Variants in PDE4D observed in about 807,000 individuals in gnomAD.
The protein encoded by PDE4D is phosphodiesterase 4D.
In PDE4D, 24 loss-of-function variants were observed where a neutral mutation model predicts 87.4. The ratio of observed to expected loss-of-function variants is 0.27; its 90% CI spans 0.20 to 0.39. PDE4D has a LOEUF of 0.39. PDE4D is among the 10% of genes least tolerant of loss of function. The pLI, the probability that PDE4D is intolerant of heterozygous loss-of-function variation, is 1.00. For missense variants in PDE4D, 714 were observed against 1,041.0 expected, an observed-to-expected ratio of 0.69 and a Z score of 4.32; for synonymous variants, 384 against 383.2, an observed-to-expected ratio of 1.00 and a Z score of -0.02.
chr5:60,375,589 G>T (rs2149993934), intron 1 of PDE4D, among the ~76,000 whole-genome samples: 1 of 152,230 alleles, frequency 6.6e-6, no homozygotes, highest in Admixed American at 6.5e-5. Flanking sequence ...TGAAAAAGAT[G>T]CCCCTTTTAC....
At chr5:60,103,375 T>C (rs910324400) in intron 2 of PDE4D, among the ~76,000 whole-genome samples, 1 of 151,782 alleles carries the variant, frequency 6.6e-6, no homozygotes, top group African/African-American at 2.4e-5. Flanking sequence ...AATAGAAGAA[T>C]AAAAAGGGGA....
chr5:60,185,994 G>A (rs1583006966), intron 1 of PDE4D, among the ~76,000 whole-genome samples: 1 of 150,084 alleles, frequency 6.7e-6, no homozygotes, highest in East Asian at 1.9e-4. Flanking sequence ...ATAAAATGAA[G>A]ATGCAAACTG....
intron 1 of PDE4D, among the ~76,000 whole-genome samples, chr5:60,257,457 T>C (rs1392587076): frequency 6.6e-6 from 1 of 151,976 alleles, no homozygotes; most frequent in Admixed American, 6.6e-5. Context: ...AAAAAAAGTA[T>C]TAAAAATAAA....
Position 59,827,008 on chromosome 5 carries a change from T to C in PDE4D, c.455+66160A>G, listed in dbSNP as rs1258926518. On this transcript the variant is annotated intron_variant, in intron 1 of 14. Coordinates refer to ENST00000340635, the MANE Select transcript of PDE4D (RefSeq NM_001104631.2). ...AGGAAATACACAAAAACATCTAGAC[T>C]GTTACTCAAGCCAAAACTTTGGGGA... 2.0e-5 allele frequency among the ~76,000 whole-genome samples: 3 copies of C among 152,134 alleles called. No individual in the cohort carries two copies. In the East Asian group the frequency reaches 5.8e-4, roughly 30 times the overall value.
chr5:60,159,323 G>GT (rs1388150291), intron 2 of PDE4D, among the ~76,000 whole-genome samples: 1 of 150,928 alleles, frequency 6.6e-6, no homozygotes, highest in Non-Finnish European at 1.5e-5. Context: ...TTTTTTTTTT[G>GT]TAAGTAGGAG....
intron 1 of PDE4D, among the ~76,000 whole-genome samples, chr5:60,272,210 C>A (rs1167827221): frequency 6.6e-6 from 1 of 152,200 alleles, no homozygotes; most frequent in Non-Finnish European, 1.5e-5. Context: ...GAGGATGACC[C>A]CATACAACAC....
intron 1 of PDE4D, among the ~76,000 whole-genome samples, chr5:59,346,918 A>T (rs949605975): frequency 6.6e-6 from 1 of 152,198 alleles, no homozygotes; most frequent in African/African-American, 2.4e-5. Context: ...CTTTTAGTTC[A>T]TCTGAGATCA....
intron 3 of PDE4D, among the ~76,000 whole-genome samples, chr5:59,919,673 C>T (rs755407289): frequency 6.6e-6 from 1 of 152,164 alleles, no homozygotes; most frequent in Non-Finnish European, 1.5e-5. Context: ...CCATCTGTTC[C>T]TTTTCTTCCT....
chr5:59,042,672 A>G (rs1759891232), intron 5 of PDE4D, among the ~76,000 whole-genome samples: 1 of 152,208 alleles, frequency 6.6e-6, no homozygotes, highest in African/African-American at 2.4e-5. Flanking sequence ...GCAACTGAGA[A>G]ATAAATTGAG....
chr5:59,769,938 G>A (rs1052818037), intron 1 of PDE4D, among the ~76,000 whole-genome samples: 3 of 151,948 alleles, frequency 2.0e-5, no homozygotes, highest in African/African-American at 7.3e-5. Flanking sequence ...CCCCCTGGTT[G>A]CTCCATTTTA....
intron 3 of PDE4D, among the ~76,000 whole-genome samples, chr5:59,929,407 T>C (rs993448178): frequency 1.3e-5 from 2 of 152,156 alleles, no homozygotes; most frequent in Admixed American, 1.3e-4. Context: ...TCTCAAAACA[T>C]AGGTGTTCAC....
At chr5:60,478,383 A>G (rs1244434894) in intron 1 of PDE4D, among the ~76,000 whole-genome samples, 1 of 152,168 alleles carries the variant, frequency 6.6e-6, no homozygotes, top group Non-Finnish European at 1.5e-5. Context: ...GGCCTCCAAG[A>G]AAAACAAAAT....
At chr5:59,327,809 A>C (rs1163314045) in intron 1 of PDE4D, among the ~76,000 whole-genome samples, 1 of 152,232 alleles carries the variant, frequency 6.6e-6, no homozygotes, top group Non-Finnish European at 1.5e-5. Flanking sequence ...TTCTAGTCAC[A>C]GAACTGCTAC....
At chr5:60,443,151 G>A (rs1745375006) in intron 1 of PDE4D, among the ~76,000 whole-genome samples, 1 of 152,118 alleles carries the variant, frequency 6.6e-6, no homozygotes, top group African/African-American at 2.4e-5. Flanking sequence ...TTATCAAGAG[G>A]TGAAGAAAAA....
intron 1 of PDE4D, among the ~76,000 whole-genome samples, chr5:59,601,613 T>A (rs1827517453): frequency 6.6e-6 from 1 of 152,106 alleles, no homozygotes; most frequent in Admixed American, 6.6e-5. Flanking sequence ...GTGTTCCAGC[T>A]CACTGAAATA....
intron 1 of PDE4D, among the ~76,000 whole-genome samples, chr5:59,261,169 G>T (rs781256413): frequency 5.3e-5 from 8 of 151,864 alleles, no homozygotes; most frequent in Non-Finnish European, 8.8e-5. Flanking sequence ...TTTTATGGCA[G>T]TTGTAATCCT....
At chr5:60,102,151 T>C (rs947320799) in intron 2 of PDE4D, among the ~76,000 whole-genome samples, 5 of 152,164 alleles carry the variant, frequency 3.3e-5, no homozygotes, top group South Asian at 2.1e-4. Flanking sequence ...CTCCACACTC[T>C]AGATGGCCAT....
In PDE4D at chr5:59,574,163, T is replaced by TAA. The variant is rs1320372487; in HGVS notation, c.455+319004_455+319005insTT. On this transcript the variant is annotated intron_variant, in intron 1 of 14. Coordinates refer to ENST00000340635, the MANE Select transcript of PDE4D (RefSeq NM_001104631.2). ...ATATATAAATATATATTTATATATA[T>TAA]ATATATATAAATATCTTCTAGCAAA... is the stretch of plus-strand genomic sequence containing the variant. Among the ~76,000 whole-genome samples, 5 of 105,554 alleles carry TAA rather than the reference T, an allele frequency of 4.7e-5. 1 individual carries two copies. Among genetic ancestry groups the TAA allele is most frequent in the African/African-American group, 1.1e-4 (3 of 26,420 alleles). The allele number at this position is 105,554 out of a possible 152,430, so 69.2% of individuals were successfully genotyped here.
chr5:60,183,131 T>C (rs959002740), intron 2 of PDE4D, among the ~76,000 whole-genome samples: 2 of 152,134 alleles, frequency 1.3e-5, no homozygotes. Flanking sequence ...AAAGTAGCTT[T>C]CGGCAAGCCA....
Sources: gnomAD v4.1 joint callset for allele counts (sites outside exome capture counted in the v4.1 genomes callset) on GRCh38, gnomAD v4.1.1 for gene constraint, MANE v1.5 for transcripts, NCBI Gene and HGNC (gene_info 2026-07-23, HGNC 2026-07-21) for gene names.